Variants in CDH26 observed in about 807,000 individuals in gnomAD.
The protein encoded by CDH26 is cadherin 26.
In CDH26, 83 loss-of-function variants were observed where a neutral mutation model predicts 90.3. The observed-to-expected ratio is 0.92, with a 90% CI of 0.77 to 1.10. The LOEUF (loss-of-function observed/expected upper bound fraction) is 1.10, where lower values mean the gene tolerates loss of function less well. Ranked by LOEUF, CDH26 falls within the 50% of genes least tolerant of loss-of-function variation. The pLI is 0.00. For missense variants in CDH26, 1,013 were observed against 1,037.6 expected (o/e 0.98, Z 0.33); for synonymous variants, 397 against 396.3 (o/e 1.00, Z -0.02).
Position 59,995,992 on chromosome 20 carries a change from C to A in CDH26, c.1826C>A (p.Ala609Glu). Residue 609 changes from alanine to glutamate, a missense_variant, in exon 12 of 18, where the codon GCA becomes GAA. Ala to Glu is a moderately radical substitution (Grantham distance 107). Transcript: ENST00000348616. ...CTCACATGTGTGGAGCTTGCAGATG[C>A]AGAAGTGGGGCTTCATGTGGGGGCC... ...SGLTCVELAD[A>E]EVGLHVGALF... 1 of 1,614,158 alleles carries A rather than the reference C, an allele frequency of 6.2e-7. No individual in the cohort carries two copies. The highest frequency in any genetic ancestry group is 8.5e-7 in the Non-Finnish European group (1 of 1,180,032).
Position 59,958,755 on chromosome 20 carries a change from C to CGCT in CDH26, c.39_41dup (p.Leu15dup), listed in dbSNP as rs780283905. ...GCCATGAGATCCGGGAGGCACCCCT[C>CGCT]GCTGCTGCTGCTTCTAGTGCTGCTG... On this transcript the variant is annotated inframe_insertion, in exon 1 of 18. Coordinates refer to ENST00000348616, the MANE Select transcript of CDH26 (RefSeq NM_177980.4). 4 of 1,614,032 alleles carry CGCT rather than the reference C, an allele frequency of 2.5e-6. No homozygotes were observed. Among genetic ancestry groups the CGCT allele is most frequent in the African/African-American group, 2.7e-5 (2 of 74,932 alleles).
intron 1 of CDH26, among the ~76,000 whole-genome samples, chr20:59,966,284 C>G (rs1023952172): frequency 1.5e-5 from 2 of 134,266 alleles, no homozygotes; most frequent in Non-Finnish European, 3.2e-5. Context: ...GAAACTGAAG[C>G]AATCACGCAA....
chr20:60,012,690 C>T lies in CDH26; in HGVS notation c.2459C>T (p.Pro820Leu), dbSNP rs773831785. ...LLDSLGSKATPFEEIYSESGV... is the reference protein window; with the variant it reads ...LLDSLGSKATLFEEIYSESGV... ...GACTCTTTGGGTTCAAAAGCGACTC[C>T]GTTTGAGGAAATATATTCAGAGTCA... Residue 820 changes from proline to leucine, a missense_variant, in exon 18 of 18, where the codon CCG (proline) becomes CTG (leucine). Transcript: ENST00000348616. The T allele has an allele frequency of 1.1e-5, 17 of 1,613,856 alleles. No individual in the cohort carries two copies. Among genetic ancestry groups the T allele is most frequent in the Middle Eastern group, 1.6e-4 (1 of 6,062 alleles).
At position 59,992,302 on chromosome 20, in the gene CDH26, T is replaced by G; in HGVS notation, c.1284-76T>G. The G allele has an allele frequency of 7.0e-7, 1 of 1,438,752 alleles. No homozygotes were observed. The highest frequency in any genetic ancestry group is 9.4e-7 in the Non-Finnish European group (1 of 1,059,772). The allele number at this position is 1,438,752 out of a possible 1,614,324, so 89.1% of individuals were successfully genotyped here. ...AATAGTGTTTCTATGACATATTTTGTTTTTTTATGCAACTTTTTTATCTTT... is the reference window on the plus strand; with the variant it reads ...AATAGTGTTTCTATGACATATTTTGGTTTTTTATGCAACTTTTTTATCTTT... On this transcript the variant is annotated intron_variant, in intron 9 of 17. Transcript: ENST00000348616. This position sits in a 1 kb window ranked among gnomAD's most constrained non-coding sequence, Gnocchi z 5.0.
intron 5 of CDH26, among the ~76,000 whole-genome samples, chr20:59,984,356 C>A (rs1449445886): frequency 1.3e-5 from 2 of 152,162 alleles, no homozygotes; most frequent in Non-Finnish European, 2.9e-5. Context: ...TTATCATTTT[C>A]TTTTAAATTT....
At chr20:60,012,230 T>C (rs1403306949) in intron 17 of CDH26, among the ~76,000 whole-genome samples, 1 of 151,882 alleles carries the variant, frequency 6.6e-6, no homozygotes, top group Non-Finnish European at 1.5e-5. Flanking sequence ...AGGGCGAGCC[T>C]CAAGGAATGA....
At chr20:59,979,736 C>G (rs1367624813) in intron 4 of CDH26, among the ~76,000 whole-genome samples, 1 of 147,534 alleles carries the variant, frequency 6.8e-6, no homozygotes, top group Non-Finnish European at 1.5e-5. Flanking sequence ...AAGCGATTCT[C>G]CTGCCTTAGT....
At chr20:59,993,873 C>T (rs1601160121) in intron 10 of CDH26, among the ~76,000 whole-genome samples, 1 of 152,170 alleles carries the variant, frequency 6.6e-6, no homozygotes, top group African/African-American at 2.4e-5. Flanking sequence ...TACATCAACG[C>T]GGAGACGCAG....
chr20:59,987,116 C>T (rs975244522), intron 7 of CDH26, among the ~76,000 whole-genome samples: 1 of 152,080 alleles, frequency 6.6e-6, no homozygotes, highest in African/African-American at 2.4e-5. Flanking sequence ...TTTTAGAGAG[C>T]ATAAACTAGG....
chr20:60,000,202 ACC>A (rs1419157438), intron 14 of CDH26, among the ~76,000 whole-genome samples: 6 of 152,220 alleles, frequency 3.9e-5, no homozygotes, highest in African/African-American at 1.2e-4. Context: ...CCAGGCTAGC[ACC>A]AGAGTGACAC....
At chr20:59,995,666 C>A (rs1446709733) in intron 11 of CDH26, among the ~76,000 whole-genome samples, 167 bp from the exon 12 acceptor site, 1 of 152,234 alleles carries the variant, frequency 6.6e-6, no homozygotes, top group Non-Finnish European at 1.5e-5. Context: ...CGTGAACTTG[C>A]AGTTGATGTC....
In CDH26 at chr20:59,996,214, G is replaced by A. The variant is rs2061595338; in HGVS notation, c.1888+160G>A. On this transcript the variant is annotated intron_variant, in intron 12 of 17. Transcript: ENST00000348616. Reference sequence around the variant, plus strand: ...TACTCAGGCTCCTAGATGTAGATCAGAGGTTGCCATGCTGGCCAGGCAAGA... The same window carrying A: ...TACTCAGGCTCCTAGATGTAGATCAAAGGTTGCCATGCTGGCCAGGCAAGA... 6 of 969,660 alleles carry A rather than the reference G, an allele frequency of 6.2e-6. No homozygotes were observed. In the South Asian group the frequency reaches 1.1e-4, roughly 17 times the overall value. The allele number at this position is 969,660 out of a possible 1,614,324, so 60.1% of individuals were successfully genotyped here. A position where few individuals can be genotyped will look rare whatever the true frequency, so the allele number is the denominator to read the frequency against.
chr20:59,996,524 C>T (rs774320449), intron 12 of CDH26, 107 bp from the exon 13 acceptor site: 3 of 1,613,840 alleles, frequency 1.9e-6, no homozygotes, highest in East Asian at 4.5e-5. Flanking sequence ...CGCAATTTGG[C>T]CTTGCCAGTT....
chr20:60,018,413 T>C (rs150283745), downstream of CDH26, among the ~76,000 whole-genome samples: 1 of 152,194 alleles, frequency 6.6e-6, no homozygotes, highest in East Asian at 1.9e-4. Context: ...CTGATATAAG[T>C]ATAGCTACTC....
At chr20:59,999,481 T>C (rs1024225722) in intron 13 of CDH26, 105 bp from the exon 14 acceptor site, 3 of 913,566 alleles carry the variant, frequency 3.3e-6, no homozygotes, top group South Asian at 3.0e-5. Flanking sequence ...TGTGATGGCA[T>C]AGATACAATG....
Position 59,987,493 on chromosome 20 carries a change from T to C in CDH26, c.878T>C (p.Val293Ala), listed in dbSNP as rs2061473681. The part of the protein sequence containing the change: ...QIPEGRASQG[V>A]LRLLVQDRDS... ...CCTGAAGGCCGAGCCAGCCAGGGCG[T>C]GTTGCGTCTCCTGGTTCAAGATCGA... Residue 293 changes from valine to alanine, a missense_variant, in exon 8 of 18, where the codon GTG becomes GCG. Physicochemically the swap from Val to Ala is moderately conservative, Grantham distance 64. Transcript: ENST00000348616. 1 of 1,613,522 alleles carries C rather than the reference T, an allele frequency of 6.2e-7. No homozygotes were observed. The highest frequency in any genetic ancestry group is 8.5e-7 in the Non-Finnish European group (1 of 1,179,848).
At chr20:59,972,826 A>T (rs921764936) in intron 4 of CDH26, among the ~76,000 whole-genome samples, 5 of 152,154 alleles carry the variant, frequency 3.3e-5, no homozygotes, top group Non-Finnish European at 5.9e-5. Flanking sequence ...AAAGATGTTG[A>T]TTAACATTCA....
At chr20:60,003,816 A>G (rs933001917) in intron 16 of CDH26, among the ~76,000 whole-genome samples, 1 of 152,184 alleles carries the variant, frequency 6.6e-6, no homozygotes, top group African/African-American at 2.4e-5. Context: ...GGCTAAGTCC[A>G]CAGAAGCCCA....
At chr20:59,996,576 A>G (rs768403414) in intron 12 of CDH26, 55 bp from the exon 13 acceptor site, 1 of 1,614,032 alleles carries the variant, frequency 6.2e-7, no homozygotes, top group South Asian at 1.1e-5. Flanking sequence ...TCCTCATGAA[A>G]CCTCTGATAT....
Sources: gnomAD v4.1 joint callset for allele counts (sites outside exome capture counted in the v4.1 genomes callset) on GRCh38, gnomAD v4.1.1 for gene constraint, Gnocchi (gnomAD v3.1) non-coding constraint, MANE v1.5 for transcripts, NCBI Gene and HGNC (gene_info 2026-07-23, HGNC 2026-07-21) for gene names.